Variants in DCAF17 observed in about 807,000 individuals in gnomAD.
DCAF17 encodes the protein DDB1 and CUL4 associated factor 17, also known as DDB1- and CUL4-associated factor 17.
A neutral mutation model predicts 66.0 loss-of-function variants in DCAF17; 48 were observed. That is an observed-to-expected ratio of 0.73 (90% CI 0.58 to 0.92). The LOEUF is 0.92. Among genes scored for constraint, DCAF17 ranks in the 40% least tolerant of loss-of-function variants. The pLI, the probability that DCAF17 is intolerant of heterozygous loss-of-function variation, is 0.00. For synonymous variants in DCAF17, 206 were observed against 214.6 expected, an observed-to-expected ratio of 0.96 and a Z score of 0.35; for missense variants, 562 against 622.8, an observed-to-expected ratio of 0.90 and a Z score of 1.04.
chr2:171,478,426 G>A (rs1335291849), intron 12 of DCAF17, among the ~76,000 whole-genome samples: 1 of 152,106 alleles, frequency 6.6e-6, no homozygotes, highest in Non-Finnish European at 1.5e-5. Flanking sequence ...AGGACTTTAT[G>A]GTTTTTGCCT....
At chr2:171,454,912 T>C (rs548168260) in intron 6 of DCAF17, among the ~76,000 whole-genome samples, 2 of 151,242 alleles carry the variant, frequency 1.3e-5, no homozygotes, top group Admixed American at 6.6e-5. Context: ...ATTGCACAAG[T>C]CCTCTTTTTC....
chr2:171,434,816 G>A (rs1477557365), intron 1 of DCAF17, 113 bp downstream of exon 1: 13 of 1,394,344 alleles, frequency 9.3e-6, no homozygotes, highest in Non-Finnish European at 1.2e-5. Flanking sequence ...GGTCACATGT[G>A]ATGGGGAGGA....
rs1482165188 is a variant in DCAF17 at position 171,446,560 on chromosome 2, AAATC to A, written c.322-2120_322-2117del. Among the ~76,000 whole-genome samples, 7 of 152,156 alleles carry A rather than the reference AAATC, an allele frequency of 4.6e-5. No individual in the cohort carries two copies. The South Asian group carries it at 1.2e-3, about 27-fold the overall frequency. ...GACTCTGTCTCAAAAGAAAAAAAAA[AAATC>A]TAGGAGAGTCAACTAAGAAAAATAA... On this transcript the variant is annotated intron_variant, in intron 3 of 13. Transcript: ENST00000375255.
chr2:171,458,693 T>G (rs1464985960), intron 8 of DCAF17, among the ~76,000 whole-genome samples: 1 of 152,240 alleles, frequency 6.6e-6, no homozygotes, highest in African/African-American at 2.4e-5. Context: ...ATGCTGAGCC[T>G]TGCTTGGCCA....
At chr2:171,471,192 CTTTTATCACAA>C (rs1453117708) in intron 9 of DCAF17, among the ~76,000 whole-genome samples, 1 of 152,072 alleles carries the variant, frequency 6.6e-6, no homozygotes, top group Non-Finnish European at 1.5e-5. Context: ...GTTTTTAGTC[CTTTTATCACAA>C]TTTTATCACT....
chr2:171,446,143 A>C (rs575673492), intron 3 of DCAF17, among the ~76,000 whole-genome samples: 1 of 152,328 alleles, frequency 6.6e-6, no homozygotes, highest in African/African-American at 2.4e-5. Context: ...ATACTTACGA[A>C]AGGAACATTG....
At chr2:171,436,324 T>C (rs1279296271) in intron 2 of DCAF17, among the ~76,000 whole-genome samples, 1 of 152,220 alleles carries the variant, frequency 6.6e-6, no homozygotes, top group African/African-American at 2.4e-5. Flanking sequence ...TCACTTCTCC[T>C]AGATTATACC....
chr2:171,444,263 T>A (rs905981497), intron 3 of DCAF17, among the ~76,000 whole-genome samples: 2 of 152,180 alleles, frequency 1.3e-5, no homozygotes, highest in African/African-American at 4.8e-5. Context: ...TCAAGCCATT[T>A]CCCCAAATTC....
chr2:171,435,108 G>A lies in DCAF17; in HGVS notation c.152G>A (p.Trp51Ter). The A allele has an allele frequency of 6.2e-7, 1 of 1,611,326 alleles. No homozygotes were observed. The highest frequency in any genetic ancestry group is 8.5e-7 in the Non-Finnish European group (1 of 1,177,614). Residue 51 changes from tryptophan (W) to a stop codon, truncating the protein, a stop_gained, in exon 2 of 14, where the codon TGG becomes TAG. Coordinates refer to ENST00000375255, the MANE Select transcript of DCAF17 (RefSeq NM_025000.4). LOFTEE classifies it high-confidence loss of function. ...GAAAGTACTAAATTTAAGAATGTCT[G>A]GACAACTCATTCCAGGTCACCTATA... is the stretch of plus-strand genomic sequence containing the variant. ...CQESTKFKNVWTTHSRSPIAY... is the reference protein window; with the variant it reads ...CQESTKFKNV
At chr2:171,466,913 G>A (rs1695938132) in intron 8 of DCAF17, among the ~76,000 whole-genome samples, 1 of 151,444 alleles carries the variant, frequency 6.6e-6, no homozygotes. Flanking sequence ...CACATACAAT[G>A]TGTGTATTTC....
At chr2:171,474,828 G>A (rs6433293) in intron 10 of DCAF17, among the ~76,000 whole-genome samples, 151,889 of 152,354 alleles carry the variant, frequency 1, 75,715 homozygotes, top group Middle Eastern at 1. Flanking sequence ...AAATCTGCCT[G>A]TTTCTGCCCT....
intron 3 of DCAF17, among the ~76,000 whole-genome samples, chr2:171,444,918 T>C (rs1214598665): frequency 6.6e-6 from 1 of 152,238 alleles, no homozygotes; most frequent in Non-Finnish European, 1.5e-5. Context: ...TGAAGGCTCC[T>C]ATTTAAAAAT....
Position 171,460,322 on chromosome 2 carries a change from CA to C in DCAF17, c.838+1864del, listed in dbSNP as rs770720263. On this transcript the variant is annotated intron_variant, in intron 8 of 13. Coordinates refer to ENST00000375255, the MANE Select transcript of DCAF17 (RefSeq NM_025000.4). ...TGGGCGATTGAGCGAGATTCCATCTCAAAAAAAAAAAAAAAAAAAGTGAGTA... is the reference window on the plus strand; with the variant it reads ...TGGGCGATTGAGCGAGATTCCATCTCAAAAAAAAAAAAAAAAAAGTGAGTA... Among the ~76,000 whole-genome samples the C allele has an allele frequency of 9.5e-3, 728 of 76,930 alleles. 5 individuals are homozygous for C. Among genetic ancestry groups the C allele is most frequent in the East Asian group, 0.044 (115 of 2,604 alleles). 50.5% of individuals were successfully genotyped at this position (76,930 alleles called of 152,430 possible). A position where few individuals can be genotyped will look rare whatever the true frequency, so the allele number is the denominator to read the frequency against.
chr2:171,477,653 A>G (rs1187911849), intron 11 of DCAF17, among the ~76,000 whole-genome samples: 1 of 152,152 alleles, frequency 6.6e-6, no homozygotes, highest in East Asian at 1.9e-4. Flanking sequence ...TTAGCCAGGC[A>G]TGGTGGTGTA....
At chr2:171,473,337 G>A (rs1279108040) in intron 9 of DCAF17, among the ~76,000 whole-genome samples, 1 of 152,084 alleles carries the variant, frequency 6.6e-6, no homozygotes, top group East Asian at 1.9e-4. Context: ...AGGTGCAGTG[G>A]CTTACGCATG....
At chr2:171,439,855 G>T (rs925448199) in intron 2 of DCAF17, among the ~76,000 whole-genome samples, 22 of 152,174 alleles carry the variant, frequency 1.4e-4, no homozygotes, top group African/African-American at 5.3e-4. Context: ...TTGAATCTGG[G>T]AGGTGGAGGT....
rs1356099090 is a variant in DCAF17 at position 171,459,465 on chromosome 2, AAG to A, written c.838+992_838+993del. Among the ~76,000 whole-genome samples the A allele has an allele frequency of 1.1e-4, 17 of 152,346 alleles. No individual in the cohort carries two copies. In the East Asian group the frequency reaches 1.5e-3, roughly 14 times the overall value. On this transcript the variant is annotated intron_variant, in intron 8 of 13. Transcript: ENST00000375255. ...TATAAAGATCACATGAGTAAACTAA[AAG>A]AGAAAATTTTCTTTATTATCCTAAT... is the stretch of plus-strand genomic sequence containing the variant.
At chr2:171,439,511 C>CTTTTTTTTTTTT (rs374646610) in intron 2 of DCAF17, among the ~76,000 whole-genome samples, 3 of 94,776 alleles carry the variant, frequency 3.2e-5, no homozygotes, top group Admixed American at 1.1e-4. Context: ...CTTTTTTTTC[C>CTTTTTTTTTTTT]TTTTTTTTTT....
At chr2:171,468,841 GC>G (rs1249223332) in intron 8 of DCAF17, 46 bp from the exon 9 acceptor site, 3 of 1,613,194 alleles carry the variant, frequency 1.9e-6, no homozygotes, top group Non-Finnish European at 2.5e-6. Context: ...ATAGTCCAGA[GC>G]CCCCAGAACA....
Sources: gnomAD v4.1 joint callset for allele counts (sites outside exome capture counted in the v4.1 genomes callset) on GRCh38, gnomAD v4.1.1 for gene constraint, MANE v1.5 for transcripts, NCBI Gene and HGNC (gene_info 2026-07-23, HGNC 2026-07-21) for gene names.